The following SPTBN4 variants were observed in gnomAD, a reference collection of about 807,000 sequenced individuals.
SPTBN4 encodes the protein spectrin beta, non-erythrocytic 4.
SPTBN4 carries 96 observed loss-of-function variants against 277.8 expected under a neutral mutation model. That is an observed-to-expected ratio of 0.35 (90% CI 0.29 to 0.41). The LOEUF is 0.41. SPTBN4 is among the 10% of genes least tolerant of loss of function. The probability of loss-of-function intolerance (pLI) is 1.00; values close to 1 mark genes in which losing one functional copy is unlikely to be tolerated. For synonymous variants in SPTBN4, 1,481 were observed against 1,580.3 expected (o/e 0.94, Z 1.49); for missense variants, 3,006 against 3,595.7 (o/e 0.84, Z 4.19).
rs2079897158 is a variant in SPTBN4, at chr19:40,472,587, C to T, written c.-15-20C>T. 1.9e-6 allele frequency: 3 copies of T among 1,580,234 alleles called. No individual in the cohort carries two copies. Among genetic ancestry groups the T allele is most frequent in the Admixed American group, 1.8e-5 (1 of 56,448 alleles). On this transcript the variant is annotated intron_variant, in intron 1 of 35. Coordinates refer to ENST00000598249, the MANE Select transcript of SPTBN4 (RefSeq NM_020971.3). Reference sequence around the variant, plus strand: ...AATGAGACTTGATCCTAGACCTAACCTACCTCTCCCTATGTCCAGGCCTCA... The same window carrying T: ...AATGAGACTTGATCCTAGACCTAACTTACCTCTCCCTATGTCCAGGCCTCA...
chr19:40,487,507 G>A (rs988943886), intron 2 of SPTBN4, among the ~76,000 whole-genome samples, 190 bp from the exon 3 acceptor site: 2 of 150,782 alleles, frequency 1.3e-5, no homozygotes, highest in African/African-American at 4.9e-5. Context: ...CACCATGTCC[G>A]GCTGCTTTTT....
chr19:40,569,821 A>G, intron 32 of SPTBN4, 95 bp downstream of exon 32: 1 of 1,199,176 alleles, frequency 8.3e-7, no homozygotes, highest in Non-Finnish European at 1.2e-6. Flanking sequence ...CCCTGGCAGG[A>G]CCCATTCCCT....
chr19:40,515,454 A>G lies in SPTBN4; in HGVS notation c.2903+6A>G. The G allele has an allele frequency of 6.4e-7, 1 of 1,550,500 alleles. No homozygotes were observed. Among genetic ancestry groups the G allele is most frequent in the Non-Finnish European group, 8.7e-7 (1 of 1,146,962 alleles). ...CAGGACCACCTCAACAGCAGGTAGG[A>G]GGGCCTGGGGCTGGGAGTCCCTCCC... On this transcript the variant is annotated splice_donor_region_variant and intron_variant, in intron 15 of 35. Transcript: ENST00000598249. This position sits in a 1 kb window ranked among gnomAD's most constrained non-coding sequence, Gnocchi z 4.1.
Position 40,560,129 on chromosome 19 carries a change from G to C in SPTBN4, c.5671-30G>C. 6.4e-7 allele frequency: 1 copy of C among 1,561,956 alleles called. No homozygotes were observed. The highest frequency in any genetic ancestry group is 8.6e-7 in the Non-Finnish European group (1 of 1,159,706). On this transcript the variant is annotated intron_variant, in intron 26 of 35. Transcript: ENST00000598249. This position sits in a 1 kb window ranked among gnomAD's most constrained non-coding sequence, Gnocchi z 5.2. ...AGGGCACAGCCTGGGCCCCGTGGAG[G>C]GCTGGCGCCCGACCTGGCATGCCCT...
chr19:40,549,557 T>G, intron 21 of SPTBN4, 144 bp downstream of exon 21: 1 of 625,238 alleles, frequency 1.6e-6, no homozygotes. Context: ...CACTCATTCA[T>G]TCATTCACAC....
At chr19:40,543,934 A>C (rs180804260) in intron 20 of SPTBN4, among the ~76,000 whole-genome samples, 1 of 152,298 alleles carries the variant, frequency 6.6e-6, no homozygotes, top group African/African-American at 2.4e-5. Flanking sequence ...GAAGACATCA[A>C]AACCTCTAGG....
rs750322206 is a variant in SPTBN4 at position 40,490,642 on chromosome 19, T to A, written c.495+394T>A. 6.6e-6 allele frequency among the ~76,000 whole-genome samples: 1 copy of A among 152,102 alleles called. No homozygotes were observed. The highest frequency in any genetic ancestry group is 2.4e-5 in the African/African-American group (1 of 41,414). On this transcript the variant is annotated intron_variant, in intron 4 of 35. Coordinates refer to ENST00000598249, the MANE Select transcript of SPTBN4 (RefSeq NM_020971.3). The surrounding 1 kb of genome is among the most constrained non-coding windows in gnomAD (Gnocchi z 4.3). ...AATCTTGATCCAGTATAGAGACAAA[T>A]AGACAAAGGTGTGCCTTTTAGGAGC...
intron 14 of SPTBN4, 147 bp downstream of exon 14, chr19:40,513,701 C>A: frequency 1.2e-6 from 1 of 853,212 alleles, no homozygotes; most frequent in Non-Finnish European, 1.7e-6. Context: ...GACAGTTCTG[C>A]AACCTGCCTA....
chr19:40,497,439 G>C, intron 6 of SPTBN4, 50 bp from the exon 7 acceptor site: 1 of 1,434,792 alleles, frequency 7.0e-7, no homozygotes. Flanking sequence ...CTGCTTGCCC[G>C]CCGGCTCTGG....
chr19:40,476,581 G>C (rs745983492), intron 2 of SPTBN4, among the ~76,000 whole-genome samples: 7 of 151,950 alleles, frequency 4.6e-5, no homozygotes, highest in African/African-American at 1.7e-4. Context: ...TTTGTTTTTA[G>C]TTTTGTTTGT....
At chr19:40,534,542 G>A (rs1411474947) in intron 20 of SPTBN4, 199 bp downstream of exon 20, 1 of 660,170 alleles carries the variant, frequency 1.5e-6, no homozygotes, top group Non-Finnish European at 2.5e-6. Flanking sequence ...CCTAAGGTAT[G>A]GAGTACAAAG....
Position 40,492,943 on chromosome 19 carries a change from C to T in SPTBN4, c.496-20C>T. ...CTCAAGCTCTCCAGGCCCTGGTAGC[C>T]ATTTTTTGTATCTTCACAGATTCAA... On this transcript the variant is annotated intron_variant, in intron 4 of 35. Transcript: ENST00000598249. 1 of 1,611,856 alleles carries T rather than the reference C, an allele frequency of 6.2e-7. No homozygotes were observed.
chr19:40,534,435 G>T, intron 20 of SPTBN4, 92 bp downstream of exon 20: 2 of 1,435,164 alleles, frequency 1.4e-6, no homozygotes, highest in Non-Finnish European at 1.9e-6. Context: ...AAGTGGAGGG[G>T]ATTTAATACA....
chr19:40,535,143 A>G (rs2080720747), intron 20 of SPTBN4, among the ~76,000 whole-genome samples: 1 of 151,814 alleles, frequency 6.6e-6, no homozygotes, highest in Admixed American at 6.6e-5. Flanking sequence ...GCAGCCTCAA[A>G]CTCTTGGGCT....
At chr19:40,565,166 G>A (rs2081078467) in intron 27 of SPTBN4, among the ~76,000 whole-genome samples, 1 of 151,984 alleles carries the variant, frequency 6.6e-6, no homozygotes, top group Non-Finnish European at 1.5e-5. Context: ...TCAGGAGGCT[G>A]AGGCAGGAGA....
chr19:40,487,581 G>T, intron 2 of SPTBN4, 116 bp from the exon 3 acceptor site: 1 of 1,337,200 alleles, frequency 7.5e-7, no homozygotes, highest in Non-Finnish European at 1.0e-6. Flanking sequence ...CCTACCTCAG[G>T]TGATCCGCCT....
At chr19:40,548,261 GC>G (rs2080879379) in intron 20 of SPTBN4, among the ~76,000 whole-genome samples, 1 of 152,144 alleles carries the variant, frequency 6.6e-6, no homozygotes, top group Non-Finnish European at 1.5e-5. Context: ...GCCAAGATGG[GC>G]AGATCACTTG....
At chr19:40,552,816 C>G (rs2080933684) in intron 22 of SPTBN4, among the ~76,000 whole-genome samples, 1 of 152,280 alleles carries the variant, frequency 6.6e-6, no homozygotes, top group South Asian at 2.1e-4. Context: ...GGAAACTGAT[C>G]AAGTGCACTT....
In SPTBN4 at chr19:40,467,198, GAGCCGGGCTGGGCCGGGCCGGGC is replaced by G. The variant is rs2079833547; in HGVS notation, c.-122_-100del. ...AGCCGCGGGCCGGCGGGGCCGAGCT[GAGCCGGGCTGGGCCGGGCCGGGC>G]CGGGCCGGGCAGCGGACGCCGACAG... is the stretch of plus-strand genomic sequence containing the variant. On this transcript the variant is annotated 5_prime_UTR_variant, in exon 1 of 36. An upstream open reading frame in the 5' UTR loses its in-frame stop. Transcript: ENST00000598249. 6.7e-6 allele frequency: 1 copy of G among 150,070 alleles called. No homozygotes were observed. The highest frequency in any genetic ancestry group is 1.5e-5 in the Non-Finnish European group (1 of 67,018). 9.3% of individuals were successfully genotyped at this position (150,070 alleles called of 1,614,324 possible).
Sources: gnomAD v4.1 joint callset for allele counts (sites outside exome capture counted in the v4.1 genomes callset) on GRCh38, gnomAD v4.1.1 for gene constraint, Gnocchi (gnomAD v3.1) non-coding constraint, MANE v1.5 for transcripts, NCBI Gene and HGNC (gene_info 2026-07-23, HGNC 2026-07-21) for gene names.